The following TMCC3 variants were observed in gnomAD, a reference collection of about 807,000 sequenced individuals.
TMCC3 encodes transmembrane and coiled-coil domain family 3, also known as transmembrane and coiled-coil domain protein 3.
In TMCC3, 28 loss-of-function variants were observed where a neutral mutation model predicts 40.2. That is an observed-to-expected ratio of 0.70 (90% CI 0.52 to 0.95). The LOEUF (loss-of-function observed/expected upper bound fraction) is 0.95, where lower values mean the gene tolerates loss of function less well. Ranked by LOEUF, TMCC3 falls within the 40% of genes least tolerant of loss-of-function variation. The pLI is 0.00. For synonymous variants in TMCC3, 255 were observed against 248.5 expected, an observed-to-expected ratio of 1.03 and a Z score of -0.25; for missense variants, 554 against 615.2, an observed-to-expected ratio of 0.90 and a Z score of 1.05.
intron 1 of TMCC3, among the ~76,000 whole-genome samples, chr12:94,588,457 A>G (rs544657821): frequency 1.3e-5 from 2 of 152,326 alleles, no homozygotes; most frequent in South Asian, 2.1e-4. Context: ...CGGCCTGCTT[A>G]GTCTCAAGGC....
At chr12:94,632,274 A>C (rs1200386492) in intron 1 of TMCC3, among the ~76,000 whole-genome samples, 1 of 152,220 alleles carries the variant, frequency 6.6e-6, no homozygotes, top group African/African-American at 2.4e-5. Context: ...TGTGCACTTA[A>C]AGCAGGAAAT....
At chr12:94,649,893 G>C (rs918559238) in intron 1 of TMCC3, among the ~76,000 whole-genome samples, 2 of 151,792 alleles carry the variant, frequency 1.3e-5, no homozygotes, top group African/African-American at 4.8e-5. Context: ...CACCGCGCTC[G>C]GGTTCCGGCC....
intron 1 of TMCC3, among the ~76,000 whole-genome samples, chr12:94,642,951 G>A (rs2068998918): frequency 6.6e-6 from 1 of 152,168 alleles, no homozygotes; most frequent in African/African-American, 2.4e-5. Context: ...CCAGCACTTT[G>A]GGAGGCCGAG....
At chr12:94,587,280 G>A (rs2068643864) in intron 1 of TMCC3, among the ~76,000 whole-genome samples, 2 of 152,284 alleles carry the variant, frequency 1.3e-5, no homozygotes, top group South Asian at 4.1e-4. Context: ...CTATGTATGT[G>A]TTCTTGGGTA....
intron 1 of TMCC3, among the ~76,000 whole-genome samples, chr12:94,630,162 A>G (rs549738417): frequency 6.6e-6 from 1 of 152,010 alleles, no homozygotes; most frequent in Admixed American, 6.6e-5. Context: ...GCTACTTGGG[A>G]GGCTGAGACA....
intron 1 of TMCC3, among the ~76,000 whole-genome samples, chr12:94,597,602 C>T (rs1157761586): frequency 1.3e-5 from 2 of 151,866 alleles, no homozygotes; most frequent in Non-Finnish European, 2.9e-5. Flanking sequence ...GTCAGGAGTT[C>T]GAGACCAGCC....
chr12:94,630,109 T>G (rs955709905), intron 1 of TMCC3, among the ~76,000 whole-genome samples: 1 of 151,724 alleles, frequency 6.6e-6, no homozygotes, highest in African/African-American at 2.4e-5. Context: ...GTACAAAAAA[T>G]ACAAAAATTA....
chr12:94,650,220 C>G, intron 1 of TMCC3, 133 bp downstream of exon 1: 1 of 428,382 alleles, frequency 2.3e-6, no homozygotes, highest in Non-Finnish European at 3.5e-6. Context: ...ATCGGGGAGG[C>G]ACGGACCTCC....
rs545478030 is a variant in TMCC3, at chr12:94,567,505, T to C, written c.*3930A>G. 6.6e-6 allele frequency: 1 copy of C among 152,382 alleles called. No individual in the cohort carries two copies. Among genetic ancestry groups the C allele is most frequent in the East Asian group, 1.9e-4 (1 of 5,194 alleles). 9.4% of individuals were successfully genotyped at this position (152,382 alleles called of 1,614,324 possible). A position where few individuals can be genotyped will look rare whatever the true frequency, so the allele number is the denominator to read the frequency against. On this transcript the variant is annotated 3_prime_UTR_variant, in exon 4 of 4. Transcript: ENST00000261226. ...AGGTGCATTACTTTCTAGCTTCTTA[T>C]AAATTAAACTGTACTGATTTCAGGA...
intron 1 of TMCC3, chr12:94,644,282 C>T (rs371062913): frequency 3.6e-6 from 2 of 551,018 alleles, no homozygotes; most frequent in Admixed American, 1.3e-4. Flanking sequence ...CACCCTCCTC[C>T]CCTCCACTGA....
intron 1 of TMCC3, among the ~76,000 whole-genome samples, chr12:94,640,092 C>A (rs2068981509): frequency 6.6e-6 from 1 of 152,226 alleles, no homozygotes; most frequent in African/African-American, 2.4e-5. Context: ...ATTTCCTTTT[C>A]AATCCTCAAT....
At chr12:94,587,861 CTT>C (rs1264799421) in intron 1 of TMCC3, among the ~76,000 whole-genome samples, 2 of 152,196 alleles carry the variant, frequency 1.3e-5, no homozygotes, top group East Asian at 3.8e-4. Flanking sequence ...GCAGAAAAGA[CTT>C]TGCTTTTAAG....
At chr12:94,648,933 T>C (rs945256932) in intron 1 of TMCC3, among the ~76,000 whole-genome samples, 4 of 152,264 alleles carry the variant, frequency 2.6e-5, no homozygotes, top group Non-Finnish European at 5.9e-5. Flanking sequence ...CTTTTCTTCA[T>C]AGTTCTGTTA....
At chr12:94,608,834 C>T (rs781600175) in intron 1 of TMCC3, among the ~76,000 whole-genome samples, 2 of 152,170 alleles carry the variant, frequency 1.3e-5, no homozygotes, top group Non-Finnish European at 2.9e-5. Context: ...CCACCTCCAC[C>T]ATCTACTCTG....
At chr12:94,639,314 G>C (rs182688417) in intron 1 of TMCC3, among the ~76,000 whole-genome samples, 23 of 152,278 alleles carry the variant, frequency 1.5e-4, no homozygotes, top group African/African-American at 5.5e-4. Context: ...GAGTATGGTG[G>C]CTCACTCCTA....
intron 1 of TMCC3, among the ~76,000 whole-genome samples, chr12:94,591,839 G>A (rs2068677968): frequency 6.6e-6 from 1 of 152,206 alleles, no homozygotes; most frequent in Admixed American, 6.5e-5. Flanking sequence ...CACTTGACAT[G>A]CACTTGCAAA....
intron 2 of TMCC3, among the ~76,000 whole-genome samples, chr12:94,580,137 A>G (rs1265792140): frequency 6.6e-6 from 1 of 152,236 alleles, no homozygotes; most frequent in African/African-American, 2.4e-5. Flanking sequence ...ATAGTATGTA[A>G]TAGGCATTTT....
intron 1 of TMCC3, among the ~76,000 whole-genome samples, chr12:94,613,124 ACATT>A (rs1390926645): frequency 6.6e-6 from 1 of 151,942 alleles, no homozygotes; most frequent in Non-Finnish European, 1.5e-5. Flanking sequence ...ACACACACAC[ACATT>A]GTGTTTATTT....
At chr12:94,607,586 G>A (rs554707875) in intron 1 of TMCC3, among the ~76,000 whole-genome samples, 9 of 152,220 alleles carry the variant, frequency 5.9e-5, no homozygotes, top group South Asian at 2.1e-4. Flanking sequence ...CTGACTTCCC[G>A]CAACAGATGG....
Sources: allele counts gnomAD v4.1 joint callset (sites outside exome capture counted in the v4.1 genomes callset), GRCh38; gene constraint gnomAD v4.1.1; transcripts MANE v1.5; gene names NCBI Gene and HGNC (gene_info 2026-07-23, HGNC 2026-07-21).